The following LSP1 variants were observed in gnomAD, a reference collection of about 807,000 sequenced individuals.
LSP1 encodes the protein lymphocyte specific protein 1, also known as lymphocyte-specific protein 1.
In LSP1, 32 loss-of-function variants were observed where a neutral mutation model predicts 49.3. That is an observed-to-expected ratio of 0.65 (90% confidence interval 0.49 to 0.87). The LOEUF (loss-of-function observed/expected upper bound fraction) is 0.87, where lower values mean the gene tolerates loss of function less well. Among genes scored for constraint, LSP1 ranks in the 40% least tolerant of loss-of-function variants. The probability of loss-of-function intolerance (pLI) is 0.00; values close to 1 mark genes in which losing one functional copy is unlikely to be tolerated. For synonymous variants in LSP1, 179 were observed against 178.8 expected, an observed-to-expected ratio of 1.00 and a Z score of -0.01; for missense variants, 428 against 442.6, an observed-to-expected ratio of 0.97 and a Z score of 0.30.
Position 1,853,156 on chromosome 11 carries a change from T to G in LSP1, c.12T>G (p.Ala4=). 1.2e-6 allele frequency: 2 copies of G among 1,611,342 alleles called. No individual in the cohort carries two copies. The highest frequency in any genetic ancestry group is 1.7e-6 in the Non-Finnish European group (2 of 1,179,310). MAE[A]SSDPGAEERE... ...CAGACTACAGGCTGATGGCGGAGGC[T>G]TCGAGTGACCCGGGTGCCGAGGAGC... is the stretch of plus-strand genomic sequence containing the variant. Residue 4 remains alanine, a synonymous_variant, in exon 1 of 11, where the codon GCT becomes GCG. Coordinates refer to ENST00000311604, the MANE Select transcript of LSP1 (RefSeq NM_002339.3).
chr11:1,857,871 C>G (rs7943060), intron 1 of LSP1, among the ~76,000 whole-genome samples: 41,721 of 152,078 alleles, frequency 0.27, 6,394 homozygotes, highest in Middle Eastern at 0.34. Flanking sequence ...TCTCCCACCT[C>G]AGCCTCCTGA....
chr11:1,875,890 G>A (rs1848289096), intron 1 of LSP1, among the ~76,000 whole-genome samples: 4 of 152,318 alleles, frequency 2.6e-5, no homozygotes, highest in Admixed American at 2.0e-4. Flanking sequence ...GTCCCCAGCT[G>A]CCTCTCCAGG....
rs113628729 is a variant in LSP1 at position 1,890,409 on chromosome 11, G to A, written c.*14-1364G>A. On this transcript the variant is annotated intron_variant, in intron 10 of 10. Transcript: ENST00000311604. ...GGACAGGGAGGTGCGGAAGGCCCTG[G>A]GTGGAGCGAGGTGTGTGCCTCCCAT... 13 of 717,202 alleles carry A rather than the reference G, an allele frequency of 1.8e-5. No individual in the cohort carries two copies. In the African/African-American group the frequency reaches 2.3e-4, roughly 13 times the overall value. The allele number at this position is 717,202 out of a possible 1,614,324, so 44.4% of individuals were successfully genotyped here. A position where few individuals can be genotyped will look rare whatever the true frequency, so the allele number is the denominator to read the frequency against.
chr11:1,868,084 C>T (rs980832602), intron 1 of LSP1, among the ~76,000 whole-genome samples: 1 of 152,212 alleles, frequency 6.6e-6, no homozygotes, highest in African/African-American at 2.4e-5. Context: ...TCTCCCAGGG[C>T]CAGCTCGGGC....
At chr11:1,885,774 C>T (rs538263052) in intron 7 of LSP1, among the ~76,000 whole-genome samples, 1 of 151,708 alleles carries the variant, frequency 6.6e-6, no homozygotes, top group Non-Finnish European at 1.5e-5. Context: ...TACCAGTATT[C>T]CTCCATCCAA....
intron 4 of LSP1, 59 bp from the exon 5 acceptor site, chr11:1,883,873 G>T: frequency 6.9e-7 from 1 of 1,459,812 alleles, no homozygotes; most frequent in Non-Finnish European, 9.3e-7. Flanking sequence ...CAGGTGCTGG[G>T]CAGGGCAGGA....
intron 1 of LSP1, chr11:1,871,257 C>A (rs910332368): frequency 8.1e-6 from 8 of 986,706 alleles, no homozygotes; most frequent in South Asian, 4.7e-5. Context: ...AGCCACGCCG[C>A]CGGGATGCAG....
chr11:1,866,479 C>T (rs1847792579), intron 1 of LSP1: 3 of 1,482,708 alleles, frequency 2.0e-6, no homozygotes, highest in Non-Finnish European at 1.8e-6. Context: ...AGAGAGATGG[C>T]TCCGATCTGG....
At chr11:1,858,591 C>A (rs1431559771) in intron 1 of LSP1, among the ~76,000 whole-genome samples, 1 of 152,216 alleles carries the variant, frequency 6.6e-6, no homozygotes, top group East Asian at 1.9e-4. Context: ...CAGACAGAAC[C>A]AGGCCCTGGC....
At chr11:1,874,050 T>TGGCAGAGCAGGGAGGCC (rs1848185460) in intron 1 of LSP1, among the ~76,000 whole-genome samples, 2 of 34,136 alleles carry the variant, frequency 5.9e-5, no homozygotes, top group Non-Finnish European at 1.1e-4. Flanking sequence ...GGAGGGAGGC[T>TGGCAGAGCAGGGAGGCC]GGCAGAGCAG....
rs1201337942 is a variant in LSP1 at position 1,886,807 on chromosome 11, A to G, written c.793A>G (p.Ser265Gly). 6.2e-6 allele frequency: 10 copies of G among 1,611,752 alleles called. No individual in the cohort carries two copies. The highest frequency in any genetic ancestry group is 8.5e-6 in the Non-Finnish European group (10 of 1,179,822). Residue 265 changes from serine to glycine, a missense_variant, in exon 8 of 11, where the codon AGT becomes GGT. Transcript: ENST00000311604. ...LPSMAVASTK[S>G]RWETGEVQAQ... is the part of the protein sequence containing the mutation. ...CAGCATGGCTGTGGCCAGTACCAAG[A>G]GTCGGTGGGAGACGGGTGAGGTACA...
intron 1 of LSP1, among the ~76,000 whole-genome samples, chr11:1,856,729 A>T (rs562729123): frequency 1.6e-3 from 238 of 152,258 alleles, no homozygotes; most frequent in African/African-American, 5.3e-3. Context: ...GCAGGAGCCC[A>T]TGGGATGGAA....
chr11:1,858,065 C>T (rs1292847284), intron 1 of LSP1, among the ~76,000 whole-genome samples: 1 of 152,218 alleles, frequency 6.6e-6, no homozygotes, highest in Non-Finnish European at 1.5e-5. Context: ...CTTTGCCAAG[C>T]TTTTTAAACC....
chr11:1,878,910 T>C (rs1848422671), intron 1 of LSP1, among the ~76,000 whole-genome samples: 1 of 152,070 alleles, frequency 6.6e-6, no homozygotes, highest in Non-Finnish European at 1.5e-5. Context: ...TGAGAGCTGC[T>C]GGGCCGGGGC....
In LSP1 at chr11:1,876,408, T is replaced by C. The variant is rs374800536; in HGVS notation, c.54-3679T>C. On this transcript the variant is annotated intron_variant, in intron 1 of 10. Transcript: ENST00000311604. Reference sequence around the variant, plus strand: ...AGCTCCCTGTGGTGTCCAAGGGACCTGTGGTCAGGCCTGGAGGAGAAGCTC... The same window carrying C: ...AGCTCCCTGTGGTGTCCAAGGGACCCGTGGTCAGGCCTGGAGGAGAAGCTC... 53 of 976,004 alleles carry C rather than the reference T, an allele frequency of 5.4e-5. No homozygotes were observed. The African/African-American group carries it at 8.0e-4, about 15-fold the overall frequency. 60.5% of individuals were successfully genotyped at this position (976,004 alleles called of 1,614,324 possible). A position where few individuals can be genotyped will look rare whatever the true frequency, so the allele number is the denominator to read the frequency against.
In LSP1 at chr11:1,884,662, C is replaced by T; in HGVS notation, c.717+81C>T. 1 of 1,194,772 alleles carries T rather than the reference C, an allele frequency of 8.4e-7. No individual in the cohort carries two copies. Among genetic ancestry groups the T allele is most frequent in the South Asian group, 1.3e-5 (1 of 78,244 alleles). The allele number at this position is 1,194,772 out of a possible 1,614,324, so 74.0% of individuals were successfully genotyped here. On this transcript the variant is annotated intron_variant, in intron 7 of 10. Coordinates refer to ENST00000311604, the MANE Select transcript of LSP1 (RefSeq NM_002339.3). The surrounding 1 kb of genome is among the most constrained non-coding windows in gnomAD (Gnocchi z 4.1). ...TTCATCCAACCAACGCCCTTCCATC[C>T]AATCAGTGCCGCCTTATTCAACCAA... is the stretch of plus-strand genomic sequence containing the variant.
intron 1 of LSP1, chr11:1,865,328 T>C: frequency 1.3e-6 from 1 of 783,872 alleles, no homozygotes; most frequent in Non-Finnish European, 1.5e-6. Flanking sequence ...GGCTGCCACA[T>C]GCACCGGGCC....
At chr11:1,875,705 G>T (rs57670354) in intron 1 of LSP1, among the ~76,000 whole-genome samples, 2 of 152,210 alleles carry the variant, frequency 1.3e-5, no homozygotes, top group African/African-American at 2.4e-5. Context: ...AGCCACAACC[G>T]GGAAGGTGCT....
intron 1 of LSP1, among the ~76,000 whole-genome samples, chr11:1,858,661 G>A (rs902083204): frequency 1.5e-4 from 23 of 152,164 alleles, no homozygotes; most frequent in African/African-American, 5.1e-4. Context: ...GGAGAGGCTC[G>A]GCCAGGGGGC....
Sources: gnomAD v4.1 joint callset for allele counts (sites outside exome capture counted in the v4.1 genomes callset) on GRCh38, gnomAD v4.1.1 for gene constraint, Gnocchi (gnomAD v3.1) non-coding constraint, MANE v1.5 for transcripts, NCBI Gene and HGNC (gene_info 2026-07-23, HGNC 2026-07-21) for gene names.